PRICKLE2: variants seen among roughly 807,000 people sequenced by gnomAD.
The protein encoded by PRICKLE2 is prickle planar cell polarity protein 2, also known as prickle-like protein 2.
PRICKLE2 carries 21 observed loss-of-function variants against 81.4 expected under a neutral mutation model. The ratio of observed to expected loss-of-function variants is 0.26; its 90% CI spans 0.18 to 0.37. The LOEUF (loss-of-function observed/expected upper bound fraction) is 0.37. Ranked by LOEUF, PRICKLE2 falls within the 10% of genes least tolerant of loss-of-function variation. PRICKLE2 has a pLI of 1.00. For synonymous variants in PRICKLE2, 456 were observed against 421.5 expected (o/e 1.08, Z -1.00); for missense variants, 940 against 1,109.0 (o/e 0.85, Z 2.16).
intron 2 of PRICKLE2, among the ~76,000 whole-genome samples, chr3:64,184,470 TATTTTA>T (rs751086303): frequency 4.1e-4 from 62 of 152,300 alleles, no homozygotes; most frequent in Non-Finnish European, 7.1e-4. Context: ...TATGTTTAGT[TATTTTA>T]ATTTTATTTT....
In PRICKLE2 at chr3:64,147,403, T is replaced by G; in HGVS notation, c.1087A>C (p.Asn363His). ...GGGTCTACGTCGGCTGACAGCCGGT[T>G]AGAACTCACTTGCAGCTGGCTGTGC... The part of the protein sequence containing the change: ...NQHSQLQVSS[N>H]RLSADVDPLS... Residue 363 changes from asparagine to histidine, a missense_variant, in exon 7 of 8, where the codon AAC becomes CAC. Coordinates refer to ENST00000638394, the MANE Select transcript of PRICKLE2 (RefSeq NM_198859.4). The surrounding 1 kb of genome is among the most constrained non-coding windows in gnomAD (Gnocchi z 5.0). 6.2e-7 allele frequency: 1 copy of G among 1,614,260 alleles called. No homozygotes were observed. Among genetic ancestry groups the G allele is most frequent in the Non-Finnish European group, 8.5e-7 (1 of 1,180,046 alleles).
intron 7 of PRICKLE2, among the ~76,000 whole-genome samples, chr3:64,139,584 A>G (rs2107001414): frequency 6.6e-6 from 1 of 152,342 alleles, no homozygotes; most frequent in East Asian, 1.9e-4. Context: ...ACAGCAGCTG[A>G]AGCCATCTTT....
At chr3:64,105,379 T>C (rs2076738516) in intron 7 of PRICKLE2, among the ~76,000 whole-genome samples, 1 of 152,214 alleles carries the variant, frequency 6.6e-6, no homozygotes, top group Non-Finnish European at 1.5e-5. Context: ...ACTGTATTCT[T>C]GCAGAGCTAG....
intron 7 of PRICKLE2, among the ~76,000 whole-genome samples, chr3:64,115,350 G>T (rs765842369): frequency 5.9e-5 from 9 of 152,100 alleles, no homozygotes; most frequent in Non-Finnish European, 1.2e-4. Flanking sequence ...ACACATATCA[G>T]TACTAACCTT....
chr3:64,169,172 T>A (rs1263269800), intron 2 of PRICKLE2, among the ~76,000 whole-genome samples: 1 of 152,080 alleles, frequency 6.6e-6, no homozygotes, highest in African/African-American at 2.4e-5. Context: ...AGCCAAGACC[T>A]TTTTTTGCCC....
intron 1 of PRICKLE2, among the ~76,000 whole-genome samples, chr3:64,202,940 T>C (rs1253777422): frequency 6.6e-6 from 1 of 152,206 alleles, no homozygotes; most frequent in African/African-American, 2.4e-5. Flanking sequence ...GGAAGTTCTC[T>C]TCTATGCTAG....
At chr3:64,224,332 A>T (rs948424465) in intron 1 of PRICKLE2, among the ~76,000 whole-genome samples, 16 of 152,180 alleles carry the variant, frequency 1.1e-4, no homozygotes, top group Admixed American at 9.8e-4. Flanking sequence ...AGGAGAACTA[A>T]CTATGATCAC....
At chr3:64,232,862 C>T (rs1334930916) in intron 2 of PRICKLE2, among the ~76,000 whole-genome samples, 1 of 152,150 alleles carries the variant, frequency 6.6e-6, no homozygotes, top group African/African-American at 2.4e-5. Context: ...GAACAAATAC[C>T]TTTGAGCCAT....
chr3:64,231,841 A>G (rs1395891572), intron 2 of PRICKLE2, among the ~76,000 whole-genome samples: 1 of 152,228 alleles, frequency 6.6e-6, no homozygotes, highest in East Asian at 1.9e-4. Flanking sequence ...AAAGAGGATA[A>G]AAGAATGATG....
chr3:64,192,840 T>C (rs535701450), intron 2 of PRICKLE2, among the ~76,000 whole-genome samples: 1 of 152,330 alleles, frequency 6.6e-6, no homozygotes, highest in South Asian at 2.1e-4. Context: ...TTACTAACCT[T>C]TGGAGATATT....
chr3:64,211,008 T>C (rs2078776896), intron 1 of PRICKLE2, among the ~76,000 whole-genome samples: 1 of 152,158 alleles, frequency 6.6e-6, no homozygotes, highest in South Asian at 2.1e-4. Context: ...CAACCAGAAC[T>C]CATTTCAGCT....
rs1368136180 is a variant in PRICKLE2, at chr3:64,224,018, A to G, written c.-41+892T>C. ...CATGGCACACTGGAGCCCTCCCCTGACTGTGCTCATACATGCATTGATATG... is the reference window on the plus strand; with the variant it reads ...CATGGCACACTGGAGCCCTCCCCTGGCTGTGCTCATACATGCATTGATATG... On this transcript the variant is annotated intron_variant, in intron 1 of 7. Coordinates refer to ENST00000638394, the MANE Select transcript of PRICKLE2 (RefSeq NM_198859.4). 3.3e-5 allele frequency among the ~76,000 whole-genome samples: 5 copies of G among 152,190 alleles called. 1 individual carries two copies. In the South Asian group the frequency reaches 1.0e-3, roughly 31 times the overall value.
At chr3:64,253,920 C>T (rs1162693484) in intron 2 of PRICKLE2, among the ~76,000 whole-genome samples, 3 of 152,196 alleles carry the variant, frequency 2.0e-5, no homozygotes, top group African/African-American at 4.8e-5. Context: ...GCTCCATCAA[C>T]GCCTGTGCAC....
At chr3:64,135,724 G>T (rs9712997) in intron 7 of PRICKLE2, among the ~76,000 whole-genome samples, 3 of 124,910 alleles carry the variant, frequency 2.4e-5, no homozygotes, top group East Asian at 2.3e-4. Context: ...ACACACACAC[G>T]CACACACACC....
chr3:64,135,758 C>G (rs1278017871), intron 7 of PRICKLE2, among the ~76,000 whole-genome samples: 1 of 152,196 alleles, frequency 6.6e-6, no homozygotes, highest in African/African-American at 2.4e-5. Flanking sequence ...ACAGAGCTAT[C>G]TGGGTGCTCA....
rs2076545895 is a variant in PRICKLE2 at position 64,094,651 on chromosome 3, A to AATCC, written c.*4396_*4399dup. The AATCC allele has an allele frequency of 6.6e-6, 1 of 152,322 alleles. No homozygotes were observed. 9.4% of individuals were successfully genotyped at this position (152,322 alleles called of 1,614,324 possible). On this transcript the variant is annotated 3_prime_UTR_variant, in exon 8 of 8. Transcript: ENST00000638394. Reference sequence around the variant, plus strand: ...TACTATTATGAGAAAATGGAAAAAGAATCCAATTTTTTCTTGATCTTTACT... The same window carrying AATCC: ...TACTATTATGAGAAAATGGAAAAAGAATCCATCCAATTTTTTCTTGATCTTTACT...
chr3:64,153,533 AGTTCC>A, intron 5 of PRICKLE2, 165 bp from the exon 6 acceptor site: 1 of 644,444 alleles, frequency 1.6e-6, no homozygotes, highest in Non-Finnish European at 2.7e-6. Context: ...TATGTATATC[AGTTCC>A]TATACATGGA....
chr3:64,223,784 C>A (rs2078991705), intron 1 of PRICKLE2, among the ~76,000 whole-genome samples: 1 of 152,182 alleles, frequency 6.6e-6, no homozygotes, highest in Non-Finnish European at 1.5e-5. Context: ...CCTGACCCAT[C>A]TGTGAAAGCC....
At chr3:64,127,921 C>T (rs1040315730) in intron 7 of PRICKLE2, among the ~76,000 whole-genome samples, 2 of 152,110 alleles carry the variant, frequency 1.3e-5, no homozygotes, top group Admixed American at 6.6e-5. Context: ...GCAGCAGGCA[C>T]TGATTAAACC....
Sources: gnomAD v4.1 joint callset for allele counts (sites outside exome capture counted in the v4.1 genomes callset) on GRCh38, gnomAD v4.1.1 for gene constraint, Gnocchi (gnomAD v3.1) non-coding constraint, MANE v1.5 for transcripts, NCBI Gene and HGNC (gene_info 2026-07-23, HGNC 2026-07-21) for gene names.